Variants in PIP4K2A observed in about 807,000 individuals in gnomAD.
The protein encoded by PIP4K2A is phosphatidylinositol-5-phosphate 4-kinase type 2 alpha.
In PIP4K2A, 14 loss-of-function variants were observed where a neutral mutation model predicts 42.9. The observed-to-expected ratio is 0.33, with a 90% confidence interval of 0.22 to 0.51. The LOEUF is 0.51. Ranked by LOEUF, PIP4K2A falls within the 20% of genes least tolerant of loss-of-function variation. The pLI, the probability that PIP4K2A is intolerant of heterozygous loss-of-function variation, is 0.97. For missense variants in PIP4K2A, 434 were observed against 519.8 expected, an observed-to-expected ratio of 0.83 and a Z score of 1.61; for synonymous variants, 192 against 192.2, an observed-to-expected ratio of 1.00 and a Z score of 0.01.
At chr10:22,651,275 A>T (rs1366581959) in intron 1 of PIP4K2A, among the ~76,000 whole-genome samples, 1 of 152,094 alleles carries the variant, frequency 6.6e-6, no homozygotes, top group Non-Finnish European at 1.5e-5. Flanking sequence ...CTCCCAATTG[A>T]GGCGGCTGTG....
chr10:22,675,213 A>G (rs1399606052), intron 1 of PIP4K2A, among the ~76,000 whole-genome samples: 1 of 152,218 alleles, frequency 6.6e-6, no homozygotes, highest in Admixed American at 6.5e-5. Flanking sequence ...TGGAGATAGT[A>G]GCAAGCAAAT....
intron 1 of PIP4K2A, among the ~76,000 whole-genome samples, chr10:22,663,666 T>C (rs896035790): frequency 1.3e-5 from 2 of 152,116 alleles, no homozygotes; most frequent in East Asian, 3.8e-4. Context: ...TTGATATATA[T>C]TCTTCTAGAC....
chr10:22,552,739 C>G (rs766956981), intron 6 of PIP4K2A, among the ~76,000 whole-genome samples: 9 of 152,220 alleles, frequency 5.9e-5, no homozygotes, highest in Admixed American at 3.9e-4. Context: ...GGAGAAGGAT[C>G]GTAATTTTCC....
chr10:22,642,699 G>A (rs1838806040), intron 1 of PIP4K2A, among the ~76,000 whole-genome samples: 1 of 136,012 alleles, frequency 7.4e-6, no homozygotes, highest in Non-Finnish European at 1.5e-5. Context: ...AGTTAGAACA[G>A]GTTTGCCTCT....
chr10:22,641,715 C>G (rs1027929538), intron 1 of PIP4K2A, among the ~76,000 whole-genome samples: 1 of 152,112 alleles, frequency 6.6e-6, no homozygotes, highest in Non-Finnish European at 1.5e-5. Context: ...TCCCAAAGCA[C>G]TATGACTATA....
intron 1 of PIP4K2A, among the ~76,000 whole-genome samples, chr10:22,670,181 C>A (rs1246770326): frequency 6.6e-6 from 1 of 152,202 alleles, no homozygotes; most frequent in African/African-American, 2.4e-5. Context: ...AAGTTTAAGA[C>A]TAGCCTGGGC....
rs1554792515 is a variant in PIP4K2A at position 22,541,898 on chromosome 10, T to C, written c.942A>G (p.Pro314=). The change falls in exon 8 of 10, where the codon CCA becomes CCG. Residue 314 remains proline (P), a synonymous_variant. Coordinates refer to ENST00000376573, the MANE Select transcript of PIP4K2A (RefSeq NM_005028.5). ...TGTTCAGTGTATTCCCGGGGCTATC[T>C]GGGGGGGTTCCCACCGGGTGGGTGC... ...SDGTHPVGTP[P]DSPGNTLNSS... is the part of the protein sequence containing the mutation. 7.4e-6 allele frequency: 12 copies of C among 1,613,598 alleles called. No homozygotes were observed. Among genetic ancestry groups the C allele is most frequent in the Non-Finnish European group, 9.3e-6 (11 of 1,179,830 alleles).
intron 1 of PIP4K2A, among the ~76,000 whole-genome samples, chr10:22,637,602 C>T (rs1015922246): frequency 2.0e-5 from 3 of 152,182 alleles, no homozygotes; most frequent in Non-Finnish European, 4.4e-5. Flanking sequence ...TTGTTCTTTT[C>T]TTCTTTGTGC....
At chr10:22,620,312 G>A (rs968767494) in intron 1 of PIP4K2A, among the ~76,000 whole-genome samples, 2 of 152,224 alleles carry the variant, frequency 1.3e-5, no homozygotes, top group African/African-American at 2.4e-5. Context: ...ATCTGGTACA[G>A]AGGTAATACT....
At chr10:22,663,564 A>C (rs756772086) in intron 1 of PIP4K2A, among the ~76,000 whole-genome samples, 8 of 152,182 alleles carry the variant, frequency 5.3e-5, no homozygotes, top group Non-Finnish European at 8.8e-5. Flanking sequence ...TTTCATTAAA[A>C]GTTTGGGGCT....
At chr10:22,639,754 C>T (rs981626767) in intron 1 of PIP4K2A, among the ~76,000 whole-genome samples, 3 of 152,098 alleles carry the variant, frequency 2.0e-5, no homozygotes, top group Admixed American at 6.5e-5. Context: ...CTTCAAGAAG[C>T]ATAAAAGGAT....
chr10:22,708,388 C>T (rs965948891), intron 1 of PIP4K2A, among the ~76,000 whole-genome samples: 2 of 152,082 alleles, frequency 1.3e-5, no homozygotes, highest in Non-Finnish European at 2.9e-5. Flanking sequence ...TCTGACTTAC[C>T]GATTCTGTAC....
intron 1 of PIP4K2A, among the ~76,000 whole-genome samples, chr10:22,612,959 G>A (rs1486593651): frequency 2.6e-5 from 4 of 152,162 alleles, no homozygotes; most frequent in Non-Finnish European, 4.4e-5. Context: ...AGGGGCCGGT[G>A]TGATGGGGAG....
At chr10:22,597,927 G>A (rs144621007) in intron 3 of PIP4K2A, among the ~76,000 whole-genome samples, 231 of 152,264 alleles carry the variant, frequency 1.5e-3, no homozygotes, top group African/African-American at 5.4e-3. Flanking sequence ...CTGTCTTCAG[G>A]AGAAAGCAGC....
intron 1 of PIP4K2A, among the ~76,000 whole-genome samples, chr10:22,614,598 TAAAAG>T (rs914735204): frequency 1.3e-5 from 2 of 152,356 alleles, no homozygotes; most frequent in African/African-American, 4.8e-5. Context: ...ATCTACTACT[TAAAAG>T]AGAAGCTTTT....
intron 7 of PIP4K2A, among the ~76,000 whole-genome samples, chr10:22,543,321 A>AC (rs1246483109): frequency 6.6e-6 from 1 of 152,108 alleles, no homozygotes; most frequent in Non-Finnish European, 1.5e-5. Context: ...CAGAGCTCCC[A>AC]CTTCGCTGCC....
chr10:22,603,836 T>C (rs981584282), intron 3 of PIP4K2A, among the ~76,000 whole-genome samples: 2 of 152,150 alleles, frequency 1.3e-5, no homozygotes, highest in East Asian at 3.9e-4. Context: ...CTTTAAAGTA[T>C]GACGATGGAT....
intron 1 of PIP4K2A, among the ~76,000 whole-genome samples, chr10:22,645,746 C>T (rs1838867178): frequency 6.6e-6 from 1 of 151,174 alleles, no homozygotes; most frequent in Non-Finnish European, 1.5e-5. Flanking sequence ...GTCTACACTC[C>T]AAGCTGGTGA....
chr10:22,675,384 G>T (rs1839536982), intron 1 of PIP4K2A, among the ~76,000 whole-genome samples: 1 of 152,162 alleles, frequency 6.6e-6, no homozygotes. Flanking sequence ...TCAGGAGTTT[G>T]AGACCAGCCT....
Sources: gnomAD v4.1 joint callset for allele counts (sites outside exome capture counted in the v4.1 genomes callset) on GRCh38, gnomAD v4.1.1 for gene constraint, MANE v1.5 for transcripts, NCBI Gene and HGNC (gene_info 2026-07-23, HGNC 2026-07-21) for gene names.